Variants in EPN1 observed in about 807,000 individuals in gnomAD.
The protein encoded by EPN1 is epsin 1, also known as epsin-1.
In EPN1, 25 loss-of-function variants were observed where a neutral mutation model predicts 56.9. The observed-to-expected ratio is 0.44, with a 90% confidence interval of 0.32 to 0.61. EPN1 has a LOEUF of 0.61. Among genes scored for constraint, EPN1 ranks in the 20% least tolerant of loss-of-function variants. EPN1 has a pLI of 0.05. For missense variants in EPN1, 785 were observed against 823.7 expected (o/e 0.95, Z 0.58); for synonymous variants, 411 against 361.8 (o/e 1.14, Z -1.54).
intron 2 of EPN1, among the ~76,000 whole-genome samples, chr19:55,680,508 G>A (rs3786646): frequency 0.13 from 20,221 of 152,256 alleles, 1,529 homozygotes; most frequent in East Asian, 0.24. Context: ...TCATGCTGGG[G>A]TGGGGTTCAG....
Position 55,701,597 on chromosome 19 carries a change from T to TGAG in EPN1, c.*6242_*6244dup, listed in dbSNP as rs1987144545. ...AGTTCTCAGAAGGAGCTGACATTAA[T>TGAG]GAGAACTTCTCCCTGTTAGACCCTT... On this transcript the variant is annotated 3_prime_UTR_variant, in exon 11 of 11. Coordinates refer to ENST00000270460, the MANE Select transcript of EPN1 (RefSeq NM_001130072.2). 1 of 152,172 alleles carries TGAG rather than the reference T, an allele frequency of 6.6e-6. No homozygotes were observed. Among genetic ancestry groups the TGAG allele is most frequent in the South Asian group, 2.1e-4 (1 of 4,832 alleles). The allele number at this position is 152,172 out of a possible 1,614,324, so 9.4% of individuals were successfully genotyped here.
chr19:55,686,467 G>A (rs1361587972), intron 3 of EPN1, among the ~76,000 whole-genome samples: 2 of 152,208 alleles, frequency 1.3e-5, no homozygotes, highest in African/African-American at 4.8e-5. Context: ...TGGAGGTGGA[G>A]GTGGGTCAGC....
chr19:55,704,661 A>C lies in EPN1; in HGVS notation c.*9305A>C, dbSNP rs1311491881. On this transcript the variant is annotated 3_prime_UTR_variant, in exon 11 of 11. Transcript: ENST00000270460. ...GTCTGGGGGAAGGCACACACACCCC[A>C]CAGCACCCTTGCTGTCTCACCCCGT... 1 of 152,390 alleles carries C rather than the reference A, an allele frequency of 6.6e-6. No individual in the cohort carries two copies. The highest frequency in any genetic ancestry group is 1.5e-5 in the Non-Finnish European group (1 of 68,180). The allele number at this position is 152,390 out of a possible 1,614,324, so 9.4% of individuals were successfully genotyped here. A position where few individuals can be genotyped will look rare whatever the true frequency, so the allele number is the denominator to read the frequency against.
At chr19:55,685,667 C>G (rs1334014399) in intron 3 of EPN1, 22 bp downstream of exon 3, 2 of 1,577,124 alleles carry the variant, frequency 1.3e-6, no homozygotes, top group Admixed American at 3.6e-5. Flanking sequence ...CCTGCGGCCC[C>G]TGACGGCCTA....
At chr19:55,685,277 G>A (rs543095766) in intron 2 of EPN1, 119 bp from the exon 3 acceptor site, 5 of 1,299,654 alleles carry the variant, frequency 3.8e-6, no homozygotes, top group Non-Finnish European at 5.3e-6. Context: ...CCACCCACTG[G>A]CGACAGGTGG....
At chr19:55,682,367 T>G (rs1324917075) in intron 2 of EPN1, among the ~76,000 whole-genome samples, 1 of 152,164 alleles carries the variant, frequency 6.6e-6, no homozygotes, top group Non-Finnish European at 1.5e-5. Flanking sequence ...GTGTCTGGCT[T>G]CTTTTGCTCA....
At chr19:55,681,428 C>T (rs1229403051) in intron 2 of EPN1, among the ~76,000 whole-genome samples, 5 of 152,218 alleles carry the variant, frequency 3.3e-5, no homozygotes, top group Non-Finnish European at 1.5e-5. Context: ...GCACTGCCAC[C>T]TCACTTCTGA....
intron 2 of EPN1, among the ~76,000 whole-genome samples, chr19:55,679,142 GTT>G (rs1204854611): frequency 6.6e-6 from 1 of 152,256 alleles, no homozygotes; most frequent in African/African-American, 2.4e-5. Context: ...CAGACACCCA[GTT>G]CCTTTCCTCA....
rs779695538 is a variant in EPN1 at position 55,705,795 on chromosome 19, T to C, written c.*10439T>C. 1.1e-5 allele frequency: 1 copy of C among 92,248 alleles called. No homozygotes were observed. Among genetic ancestry groups the C allele is most frequent in the African/African-American group, 5.6e-5 (1 of 17,962 alleles). The allele number at this position is 92,248 out of a possible 1,614,324, so 5.7% of individuals were successfully genotyped here. A position where few individuals can be genotyped will look rare whatever the true frequency, so the allele number is the denominator to read the frequency against. The stretch of plus-strand genomic sequence containing the variant: ...TCATACTGACATTGTGGCTGGAATA[T>C]TTGTTGTTGTGGGATATATATATAT... On this transcript the variant is annotated 3_prime_UTR_variant, in exon 11 of 11. Transcript: ENST00000270460.
rs1987114209 is a variant in EPN1 at position 55,700,981 on chromosome 19, G to A, written c.*5625G>A. On this transcript the variant is annotated 3_prime_UTR_variant, in exon 11 of 11. Coordinates refer to ENST00000270460, the MANE Select transcript of EPN1 (RefSeq NM_001130072.2). ...AGGGCATCACGTCCAGGAGTGGCCA[G>A]GTCCCGATGTCACGGGGAGCCGGGC... The A allele has an allele frequency of 1.3e-5, 2 of 152,272 alleles. No homozygotes were observed. Among genetic ancestry groups the A allele is most frequent in the South Asian group, 4.1e-4 (2 of 4,828 alleles). The allele number at this position is 152,272 out of a possible 1,614,324, so 9.4% of individuals were successfully genotyped here.
At position 55,706,884 on chromosome 19, in the gene EPN1, A is replaced by G. The variant is rs1018264655; in HGVS notation, c.*11528A>G. On this transcript the variant is annotated 3_prime_UTR_variant, in exon 11 of 11. Coordinates refer to ENST00000270460, the MANE Select transcript of EPN1 (RefSeq NM_001130072.2). Reference sequence around the variant, plus strand: ...TGAGACCCCGTCTATACTAAAAAATATTTAAATGGGCTGAGCGCGGTGGCT... The same window carrying G: ...TGAGACCCCGTCTATACTAAAAAATGTTTAAATGGGCTGAGCGCGGTGGCT... 3.3e-5 allele frequency: 5 copies of G among 151,742 alleles called. No individual in the cohort carries two copies. The highest frequency in any genetic ancestry group is 7.3e-5 in the African/African-American group (3 of 41,330). 9.4% of individuals were successfully genotyped at this position (151,742 alleles called of 1,614,324 possible).
At position 55,685,754 on chromosome 19, in the gene EPN1, GCATCC is replaced by G. The variant is rs1986129422; in HGVS notation, c.478+111_478+115del. ...TCTCTCCCAGCCAGGAGGGACCGCG[GCATCC>G]CCCTTTGCTTCTCCTCACCTGGGCC... On this transcript the variant is annotated intron_variant, in intron 3 of 10. Transcript: ENST00000270460. The G allele has an allele frequency of 5.0e-6, 7 of 1,402,778 alleles. No homozygotes were observed. The South Asian group carries it at 9.3e-5, about 19-fold the overall frequency. 86.9% of individuals were successfully genotyped at this position (1,402,778 alleles called of 1,614,324 possible). A position where few individuals can be genotyped will look rare whatever the true frequency, so the allele number is the denominator to read the frequency against.
chr19:55,695,507 C>T lies in EPN1; in HGVS notation c.*151C>T. The T allele has an allele frequency of 1.7e-6, 1 of 595,744 alleles. No individual in the cohort carries two copies. Among genetic ancestry groups the T allele is most frequent in the Non-Finnish European group, 3.0e-6 (1 of 336,190 alleles). 36.9% of individuals were successfully genotyped at this position (595,744 alleles called of 1,614,324 possible). The stretch of plus-strand genomic sequence containing the variant: ...ACTCACACTACACCCTCTTCCTTTC[C>T]CACCCCACCTCCCCGGAGAGAAACT... On this transcript the variant is annotated 3_prime_UTR_variant, in exon 11 of 11. Transcript: ENST00000270460. This position sits in a 1 kb window ranked among gnomAD's most constrained non-coding sequence, Gnocchi z 4.4.
In EPN1 at chr19:55,689,020, C is replaced by T; in HGVS notation, c.603+26C>T. On this transcript the variant is annotated intron_variant, in intron 4 of 10. Coordinates refer to ENST00000270460, the MANE Select transcript of EPN1 (RefSeq NM_001130072.2). This position sits in a 1 kb window ranked among gnomAD's most constrained non-coding sequence, Gnocchi z 5.7. Reference sequence around the variant, plus strand: ...GTACTGGGCGTGCAGCTGGGGCTGTCTGTCCGCCACCCGCCTCCACGCCTC... The same window carrying T: ...GTACTGGGCGTGCAGCTGGGGCTGTTTGTCCGCCACCCGCCTCCACGCCTC... 1.3e-6 allele frequency: 2 copies of T among 1,569,076 alleles called. No homozygotes were observed. Among genetic ancestry groups the T allele is most frequent in the South Asian group, 1.1e-5 (1 of 86,988 alleles).
chr19:55,686,749 G>A (rs1986194998), intron 3 of EPN1, among the ~76,000 whole-genome samples: 1 of 152,102 alleles, frequency 6.6e-6, no homozygotes, highest in Non-Finnish European at 1.5e-5. Flanking sequence ...AGTGCTCAGA[G>A]CCAGGGACAA....
chr19:55,687,449 G>T (rs78809531), intron 3 of EPN1, among the ~76,000 whole-genome samples: 1 of 152,160 alleles, frequency 6.6e-6, no homozygotes, highest in Admixed American at 6.5e-5. Flanking sequence ...TGTGGGAGGT[G>T]GGGCCCTCAG....
At chr19:55,683,471 C>T (rs113354418) in intron 2 of EPN1, among the ~76,000 whole-genome samples, 1 of 152,182 alleles carries the variant, frequency 6.6e-6, no homozygotes, top group African/African-American at 2.4e-5. Flanking sequence ...CCCACCTCAG[C>T]CTCCTGAGTA....
In EPN1 at chr19:55,691,780, C is replaced by T. The variant is rs1175920400; in HGVS notation, c.789C>T (p.Val263=). 2 of 1,612,838 alleles carry T rather than the reference C, an allele frequency of 1.2e-6. No homozygotes were observed. Among genetic ancestry groups the T allele is most frequent in the East Asian group, 2.2e-5 (1 of 44,852 alleles). ...CGTCCCTCATGGACCTTGCTGACGT[C>T]TTCACGGCCCCAGCTCCTGCCCCGA... ...EESSLMDLAD[V]FTAPAPAPTT... is the part of the protein sequence containing the mutation. The change falls in exon 7 of 11, where the codon GTC becomes GTT. Residue 263 remains valine, a synonymous_variant. Transcript: ENST00000270460. The surrounding 1 kb of genome is among the most constrained non-coding windows in gnomAD (Gnocchi z 5.6).
At chr19:55,685,214 T>C (rs1986085429) in intron 2 of EPN1, among the ~76,000 whole-genome samples, 182 bp from the exon 3 acceptor site, 2 of 152,276 alleles carry the variant, frequency 1.3e-5, no homozygotes, top group African/African-American at 4.8e-5. Context: ...AGCGTGGGTC[T>C]GTGTTCATTC....
Sources: gnomAD v4.1 joint callset for allele counts (sites outside exome capture counted in the v4.1 genomes callset) on GRCh38, gnomAD v4.1.1 for gene constraint, Gnocchi (gnomAD v3.1) non-coding constraint, MANE v1.5 for transcripts, NCBI Gene and HGNC (gene_info 2026-07-23, HGNC 2026-07-21) for gene names.